Variants in ADPRHL1 observed in about 807,000 individuals in gnomAD.
ADPRHL1 encodes ADP-ribosylhydrolase like 1.
ADPRHL1 carries 43 observed loss-of-function variants against 44.1 expected under a neutral mutation model. That is an observed-to-expected ratio of 0.98 (90% CI 0.76 to 1.26). The LOEUF (loss-of-function observed/expected upper bound fraction) is 1.26. ADPRHL1 is among the 50% of genes most tolerant of loss of function. ADPRHL1 has a pLI of 0.00. For synonymous variants in ADPRHL1, 878 were observed against 1,017.4 expected, an observed-to-expected ratio of 0.86 and a Z score of 2.61; for missense variants, 2,022 against 2,496.9, an observed-to-expected ratio of 0.81 and a Z score of 4.05.
At position 113,453,296 on chromosome 13, in the gene ADPRHL1, G is replaced by T. The variant is rs2044190206; in HGVS notation, c.142C>A (p.Leu48Ile). Reference protein sequence around the residue: ...QRSGGLDHLVLSPGEWPVSDN... With the variant: ...QRSGGLDHLVISPGEWPVSDN... Reference sequence around the variant, plus strand: ...CTCACGGGCCATTCTCCTGGCGAGAGTACGAGGTGGTCCAGGCCCCCGGAA... The same window carrying T: ...CTCACGGGCCATTCTCCTGGCGAGATTACGAGGTGGTCCAGGCCCCCGGAA... The change falls in exon 1 of 8, where the codon CTC becomes ATC. Residue 48 changes from leucine (L) to isoleucine (I), a missense_variant. Transcript: ENST00000612156. The surrounding 1 kb of genome is among the most constrained non-coding windows in gnomAD (Gnocchi z 5.4). The T allele has an allele frequency of 6.2e-7, 1 of 1,614,086 alleles. No homozygotes were observed. The highest frequency in any genetic ancestry group is 1.3e-5 in the African/African-American group (1 of 74,936).
At position 113,453,369 on chromosome 13, in the gene ADPRHL1, G is replaced by T; in HGVS notation, c.69C>A (p.Cys23Ter). 6.2e-7 allele frequency: 1 copy of T among 1,614,152 alleles called. No individual in the cohort carries two copies. ...VGDALGYRNV[C>*]KENSTVGMKI... The stretch of plus-strand genomic sequence containing the variant: ...TCATGCCTACAGTGCTGTTCTCCTT[G>T]CAGACATTTCTGTAGCCAAGAGCAT... The change falls in exon 1 of 8, where the codon TGC (cysteine) becomes TGA (stop). Residue 23 changes from cysteine to a stop codon, truncating the protein, a stop_gained. Coordinates refer to ENST00000612156, the MANE Select transcript of ADPRHL1 (RefSeq NM_001394807.1). LOFTEE classifies it high-confidence loss of function. The surrounding 1 kb of genome is among the most constrained non-coding windows in gnomAD (Gnocchi z 5.4).
chr13:113,403,930 G>C lies in ADPRHL1; in HGVS notation c.5352C>G (p.Thr1784=). 7.9e-7 allele frequency: 1 copy of C among 1,273,686 alleles called. No homozygotes were observed. The allele number at this position is 1,273,686 out of a possible 1,614,324, so 78.9% of individuals were successfully genotyped here. ...DRARDQGWEQ[T]QIETQRQTQK... ...GGGTCTGCCTCTGAGTCTCTATCTGGGTCTGCTCCCAGCCCTGATCCCGAG... is the reference window on the plus strand; with the variant it reads ...GGGTCTGCCTCTGAGTCTCTATCTGCGTCTGCTCCCAGCCCTGATCCCGAG... Residue 1784 remains threonine (T), a synonymous_variant, in exon 8 of 8, where the codon ACC becomes ACG. Coordinates refer to ENST00000612156, the MANE Select transcript of ADPRHL1 (RefSeq NM_001394807.1).
At chr13:113,446,982 C>T (rs2044144053) in intron 1 of ADPRHL1, among the ~76,000 whole-genome samples, 1 of 146,056 alleles carries the variant, frequency 6.8e-6, no homozygotes, top group South Asian at 2.1e-4. Flanking sequence ...TGTCTACATG[C>T]ACGGTGTTGT....
At chr13:113,429,493 T>C (rs936186588) in intron 3 of ADPRHL1, among the ~76,000 whole-genome samples, 10 of 152,274 alleles carry the variant, frequency 6.6e-5, no homozygotes, top group Non-Finnish European at 8.8e-5. Context: ...TCGCCACGGC[T>C]TCCCTTCCTC....
chr13:113,403,018 C>T lies in ADPRHL1; in HGVS notation c.*360G>A, dbSNP rs1018646. 0.64 allele frequency: 107,577 copies of T among 167,592 alleles called. 36,404 individuals carry two copies. Among genetic ancestry groups the T allele is most frequent in the African/African-American group, 0.84 (35,222 of 42,082 alleles). The allele number at this position is 167,592 out of a possible 1,614,324, so 10.4% of individuals were successfully genotyped here. A position where few individuals can be genotyped will look rare whatever the true frequency, so the allele number is the denominator to read the frequency against. ...CCCAAAGTGCCAGCATCCTGCAGAT[C>T]GAAGGGGACGCACACACCGTGCCAC... On this transcript the variant is annotated 3_prime_UTR_variant, in exon 8 of 8. Transcript: ENST00000612156.
At position 113,409,653 on chromosome 13, in the gene ADPRHL1, G is replaced by C. The variant is rs971476790; in HGVS notation, c.1062-1433C>G. 4 of 968,262 alleles carry C rather than the reference G, an allele frequency of 4.1e-6. No homozygotes were observed. Among genetic ancestry groups the C allele is most frequent in the Admixed American group, 6.2e-5 (1 of 16,246 alleles). The allele number at this position is 968,262 out of a possible 1,614,324, so 60.0% of individuals were successfully genotyped here. ...TAATCTCAGCGTGATTTGGGAGGCC[G>C]AGGCTGGCAGATCACGAGGTCAGGA... On this transcript the variant is annotated intron_variant, in intron 7 of 7. Coordinates refer to ENST00000612156, the MANE Select transcript of ADPRHL1 (RefSeq NM_001394807.1). The surrounding 1 kb of genome is among the most constrained non-coding windows in gnomAD (Gnocchi z 4.2).
At chr13:113,433,055 ACAGAC>A (rs1288749195) in intron 3 of ADPRHL1, among the ~76,000 whole-genome samples, 1 of 152,160 alleles carries the variant, frequency 6.6e-6, no homozygotes, top group Non-Finnish European at 1.5e-5. Flanking sequence ...GCCAGCTGGC[ACAGAC>A]CACAAGGACG....
chr13:113,422,961 C>T lies in ADPRHL1; in HGVS notation c.926G>A (p.Gly309Asp), dbSNP rs747179405. The part of the protein sequence containing the change: ...MFHGGESAAT[G>D]TIAGCLFGLL... Reference sequence around the variant, plus strand: ...CCCGAACAGGCAGCCTGCAATGGTGCCCGTGGCCGCGCTCTCCCCTGAAAC... The same window carrying T: ...CCCGAACAGGCAGCCTGCAATGGTGTCCGTGGCCGCGCTCTCCCCTGAAAC... The change falls in exon 7 of 8, where the codon GGC becomes GAC. Residue 309 changes from glycine to aspartate, a missense_variant. Gly to Asp is a moderately conservative substitution (Grantham distance 94, BLOSUM62 -1). Coordinates refer to ENST00000612156, the MANE Select transcript of ADPRHL1 (RefSeq NM_001394807.1). 32 of 1,612,726 alleles carry T rather than the reference C, an allele frequency of 2.0e-5. No individual in the cohort carries two copies. The highest frequency in any genetic ancestry group is 2.6e-5 in the Non-Finnish European group (31 of 1,179,992).
In ADPRHL1 at chr13:113,428,824, G is replaced by A. The variant is rs1262225470; in HGVS notation, c.646+128C>T. 6 of 1,419,130 alleles carry A rather than the reference G, an allele frequency of 4.2e-6. No homozygotes were observed. The East Asian group carries it at 9.3e-5, about 22-fold the overall frequency. 87.9% of individuals were successfully genotyped at this position (1,419,130 alleles called of 1,614,324 possible). ...CTTGCGAGGCCAGCTCTGCTCACAT[G>A]GCCCGGACAGGGCCCTCCCAGTTCC... On this transcript the variant is annotated intron_variant, in intron 4 of 7. Coordinates refer to ENST00000612156, the MANE Select transcript of ADPRHL1 (RefSeq NM_001394807.1).
intron 4 of ADPRHL1, among the ~76,000 whole-genome samples, 179 bp from the exon 5 acceptor site, chr13:113,425,358 A>T (rs7991325): frequency 2.0e-5 from 3 of 152,070 alleles, no homozygotes; most frequent in Non-Finnish European, 4.4e-5. Context: ...AACAACTGAG[A>T]GACTGTCCAG....
intron 2 of ADPRHL1, among the ~76,000 whole-genome samples, chr13:113,443,516 G>A (rs1372959565): frequency 6.6e-6 from 1 of 151,862 alleles, no homozygotes; most frequent in East Asian, 1.9e-4. Context: ...CCACTCAGGA[G>A]GCTAAGGTGG....
intron 7 of ADPRHL1, among the ~76,000 whole-genome samples, chr13:113,418,458 T>C (rs2043897985): frequency 6.6e-6 from 1 of 152,206 alleles, no homozygotes. Flanking sequence ...AGCTCTGCCA[T>C]GGCTTTCAGA....
chr13:113,414,578 C>A (rs560939165), intron 7 of ADPRHL1, among the ~76,000 whole-genome samples: 1 of 152,222 alleles, frequency 6.6e-6, no homozygotes, highest in East Asian at 1.9e-4. Context: ...GCCTGTGGAA[C>A]TGCTCTTGTC....
intron 1 of ADPRHL1, among the ~76,000 whole-genome samples, chr13:113,450,357 G>C (rs2044170260): frequency 6.6e-6 from 1 of 152,196 alleles, no homozygotes; most frequent in Non-Finnish European, 1.5e-5. Flanking sequence ...GGTTTCTAGA[G>C]GGGTAAGCTG....
At chr13:113,429,461 T>C (rs1027741642) in intron 3 of ADPRHL1, among the ~76,000 whole-genome samples, 1 of 152,216 alleles carries the variant, frequency 6.6e-6, no homozygotes, top group Non-Finnish European at 1.5e-5. Flanking sequence ...TCAGGACGCA[T>C]CCCCAGGTTC....
chr13:113,447,347 T>G lies in ADPRHL1; in HGVS notation c.215-2758A>C, dbSNP rs553833345. ...TGTTGTGTGTGCATGGCGTCTACAC[T>G]CACGGTGTTGTGTGTGTATGGCGTC... On this transcript the variant is annotated intron_variant, in intron 1 of 7. Coordinates refer to ENST00000612156, the MANE Select transcript of ADPRHL1 (RefSeq NM_001394807.1). Among the ~76,000 whole-genome samples, 123 of 141,154 alleles carry G rather than the reference T, an allele frequency of 8.7e-4. 2 individuals are homozygous for G. The highest frequency in any genetic ancestry group is 2.5e-3 in the African/African-American group (92 of 36,944). 92.6% of individuals were successfully genotyped at this position (141,154 alleles called of 152,430 possible).
At chr13:113,435,025 T>C (rs1257471301) in intron 2 of ADPRHL1, among the ~76,000 whole-genome samples, 27 of 93,004 alleles carry the variant, frequency 2.9e-4, no homozygotes, top group Middle Eastern at 8.8e-3. Flanking sequence ...GGCACCCAGG[T>C]GTAGAGTGAA....
Position 113,422,915 on chromosome 13 carries a change from G to C in ADPRHL1, c.972C>G (p.Leu324=), listed in dbSNP as rs372483819. The change falls in exon 7 of 8, where the codon CTC becomes CTG. Residue 324 remains leucine, a synonymous_variant. Transcript: ENST00000612156. The part of the protein sequence containing the change: ...CLFGLLYGLD[L]VPKGLYQDLE... ...GGTCCTGGTACAAGCCTTTGGGAACGAGGTCCAGGCCGTACAGCAACCCGA... is the reference window on the plus strand; with the variant it reads ...GGTCCTGGTACAAGCCTTTGGGAACCAGGTCCAGGCCGTACAGCAACCCGA... The C allele has an allele frequency of 5.6e-6, 9 of 1,612,966 alleles. No individual in the cohort carries two copies. Among genetic ancestry groups the C allele is most frequent in the Admixed American group, 3.3e-5 (2 of 60,030 alleles).
At chr13:113,425,870 G>A (rs1328086446) in intron 4 of ADPRHL1, among the ~76,000 whole-genome samples, 1 of 151,760 alleles carries the variant, frequency 6.6e-6, no homozygotes, top group East Asian at 1.9e-4. Flanking sequence ...TAGTAGAGAT[G>A]GGGTTTCACC....
Sources: allele counts gnomAD v4.1 joint callset (sites outside exome capture counted in the v4.1 genomes callset), GRCh38; gene constraint gnomAD v4.1.1; non-coding constraint Gnocchi (gnomAD v3.1); transcripts MANE v1.5; gene names NCBI Gene and HGNC (gene_info 2026-07-23, HGNC 2026-07-21).